SCHIP1: variants seen among roughly 807,000 people sequenced by gnomAD.
SCHIP1 encodes schwannomin interacting protein 1, also known as schwannomin-interacting protein 1.
Under a neutral mutation model 29.7 loss-of-function variants are expected in SCHIP1, and 8 were observed. That is an observed-to-expected ratio of 0.27 (90% CI 0.16 to 0.49). The LOEUF (loss-of-function observed/expected upper bound fraction) is 0.49, where lower values mean the gene tolerates loss of function less well. Among genes scored for constraint, SCHIP1 ranks in the 20% least tolerant of loss-of-function variants. SCHIP1 has a pLI of 0.99. For synonymous variants in SCHIP1, 76 were observed against 94.9 expected (o/e 0.80, Z 1.16); for missense variants, 193 against 294.6 (o/e 0.66, Z 2.52).
chr3:159,640,968 G>T, the SCHIP1 span, among the ~76,000 whole-genome samples: 2 of 152,134 alleles, frequency 1.3e-5, no homozygotes, highest in Non-Finnish European at 2.9e-5. Context: ...ACACATTTTT[G>T]ACTTAGAATC....
the SCHIP1 span, among the ~76,000 whole-genome samples, chr3:159,628,911 T>G: frequency 1.3e-5 from 2 of 151,796 alleles, no homozygotes; most frequent in Non-Finnish European, 2.9e-5. Flanking sequence ...AAACATACAG[T>G]TGGTGGAGAA....
At chr3:159,515,429 C>T in the SCHIP1 span, among the ~76,000 whole-genome samples, 1 of 152,158 alleles carries the variant, frequency 6.6e-6, no homozygotes, top group Non-Finnish European at 1.5e-5. Flanking sequence ...GTTGGAAGAG[C>T]ACAGCTTCTG....
the SCHIP1 span, among the ~76,000 whole-genome samples, chr3:159,807,997 T>G: frequency 6.6e-6 from 1 of 152,228 alleles, no homozygotes; most frequent in African/African-American, 2.4e-5. Flanking sequence ...CTGTTCTTCT[T>G]ACTATACCAA....
the SCHIP1 span, among the ~76,000 whole-genome samples, chr3:159,564,450 C>T: frequency 6.6e-6 from 1 of 151,958 alleles, no homozygotes; most frequent in African/African-American, 2.4e-5. Context: ...AATCTCAGCT[C>T]ACTGCAACCT....
At chr3:159,669,119 A>G in the SCHIP1 span, among the ~76,000 whole-genome samples, 2 of 152,172 alleles carry the variant, frequency 1.3e-5, no homozygotes. Flanking sequence ...AAGTTACTCA[A>G]CTTTCTGACA....
chr3:159,417,626 T>A, the SCHIP1 span, among the ~76,000 whole-genome samples: 1 of 152,188 alleles, frequency 6.6e-6, no homozygotes, highest in Admixed American at 6.5e-5. Context: ...TTCCTCAACT[T>A]ACAGGGCATG....
At chr3:159,701,802 T>A in the SCHIP1 span, among the ~76,000 whole-genome samples, 6 of 152,072 alleles carry the variant, frequency 3.9e-5, no homozygotes, top group Admixed American at 3.9e-4. Flanking sequence ...ATGCAAATAG[T>A]TTACATGAGA....
the SCHIP1 span, among the ~76,000 whole-genome samples, chr3:159,341,375 T>C: frequency 6.6e-6 from 1 of 152,144 alleles, no homozygotes; most frequent in East Asian, 1.9e-4. Context: ...TTTGGGCAAA[T>C]ACCTTAAAGA....
chr3:159,728,401 G>C, the SCHIP1 span, among the ~76,000 whole-genome samples: 1 of 152,148 alleles, frequency 6.6e-6, no homozygotes, highest in African/African-American at 2.4e-5. Flanking sequence ...CTTCACAGGG[G>C]ACCCTAAGAC....
chr3:159,828,372 TATAC>T, the SCHIP1 span, among the ~76,000 whole-genome samples: 18 of 106,174 alleles, frequency 1.7e-4, no homozygotes, highest in African/African-American at 5.4e-4. Context: ...TATATATATA[TATAC>T]ATATATATAT....
chr3:159,463,032 C>T, the SCHIP1 span, among the ~76,000 whole-genome samples: 1 of 151,756 alleles, frequency 6.6e-6, no homozygotes, highest in African/African-American at 2.4e-5. Flanking sequence ...ATTATATAGA[C>T]ACGGAAAGTC....
the SCHIP1 span, among the ~76,000 whole-genome samples, chr3:159,717,618 T>G: frequency 6.6e-6 from 1 of 152,100 alleles, no homozygotes; most frequent in Non-Finnish European, 1.5e-5. Context: ...ACAAGTAAAC[T>G]AGAAAATCCA....
the SCHIP1 span, among the ~76,000 whole-genome samples, chr3:159,448,769 C>A: frequency 6.6e-6 from 1 of 152,198 alleles, no homozygotes; most frequent in African/African-American, 2.4e-5. Context: ...CATCTATCAT[C>A]TTAACTTACC....
At chr3:159,340,543 G>T in the SCHIP1 span, among the ~76,000 whole-genome samples, 3 of 152,028 alleles carry the variant, frequency 2.0e-5, no homozygotes, top group East Asian at 3.9e-4. Flanking sequence ...ATCAATAAAA[G>T]ACTTTTATGC....
chr3:159,545,726 TTA>T, the SCHIP1 span, among the ~76,000 whole-genome samples: 37 of 147,784 alleles, frequency 2.5e-4, no homozygotes, highest in South Asian at 5.3e-3. Context: ...ATATTATATA[TTA>T]TATATATATG....
At chr3:159,667,103 A>G in the SCHIP1 span, among the ~76,000 whole-genome samples, 1 of 152,220 alleles carries the variant, frequency 6.6e-6, no homozygotes, top group Non-Finnish European at 1.5e-5. Context: ...GTTTGTTCTC[A>G]TTGTTGAAGC....
the SCHIP1 span, among the ~76,000 whole-genome samples, chr3:159,673,768 A>G: frequency 6.6e-6 from 1 of 151,868 alleles, no homozygotes; most frequent in Non-Finnish European, 1.5e-5. Flanking sequence ...CCAGGAAATG[A>G]CTTAATATTA....
the SCHIP1 span, chr3:159,375,955 A>C: frequency 6.4e-6 from 1 of 156,520 alleles, no homozygotes; most frequent in Non-Finnish European, 1.4e-5. Context: ...TTTGGAATGA[A>C]CCTTCTCCAA....
the SCHIP1 span, among the ~76,000 whole-genome samples, chr3:159,651,905 G>A: frequency 1.3e-5 from 2 of 152,126 alleles, no homozygotes; most frequent in Non-Finnish European, 2.9e-5. Context: ...GACCATTCTG[G>A]ATAACACGGT....
Sources: gnomAD v4.1 joint callset for allele counts (sites outside exome capture counted in the v4.1 genomes callset) on GRCh38, gnomAD v4.1.1 for gene constraint, MANE v1.5 for transcripts, NCBI Gene and HGNC (gene_info 2026-07-23, HGNC 2026-07-21) for gene names.